LRCH1: variants seen among roughly 807,000 people sequenced by gnomAD.
LRCH1 encodes leucine-rich repeat and calponin homology domain-containing protein 1.
A neutral mutation model predicts 94.9 loss-of-function variants in LRCH1; 23 were observed. That is an observed-to-expected ratio of 0.24 (90% CI 0.17 to 0.34). The LOEUF (loss-of-function observed/expected upper bound fraction) is 0.34. LRCH1 is among the 10% of genes least tolerant of loss of function. The pLI is 1.00. For synonymous variants in LRCH1, 364 were observed against 354.9 expected (o/e 1.03, Z -0.29); for missense variants, 790 against 945.9 (o/e 0.84, Z 2.16).
chr13:46,639,989 C>T (rs1320423719), intron 1 of LRCH1, among the ~76,000 whole-genome samples: 1 of 152,248 alleles, frequency 6.6e-6, no homozygotes, highest in African/African-American at 2.4e-5. Flanking sequence ...GCTTTGCATG[C>T]ATCATCTTAC....
In LRCH1 at chr13:46,588,698, T is replaced by C. The variant is rs182641478; in HGVS notation, c.307+34995T>C. 2.8e-3 allele frequency among the ~76,000 whole-genome samples: 418 copies of C among 149,942 alleles called. 2 individuals carry two copies. Among genetic ancestry groups the C allele is most frequent in the African/African-American group, 9.5e-3 (386 of 40,704 alleles). On this transcript the variant is annotated intron_variant, in intron 1 of 19. Transcript: ENST00000389797. Reference sequence around the variant, plus strand: ...TCACTGCAACCCCCGCCTCTCGGGTTCAAGTGATTCTCCTGCCTTAGCCTC... The same window carrying C: ...TCACTGCAACCCCCGCCTCTCGGGTCCAAGTGATTCTCCTGCCTTAGCCTC...
intron 3 of LRCH1, among the ~76,000 whole-genome samples, chr13:46,674,915 T>C (rs995908338): frequency 6.6e-6 from 1 of 151,898 alleles, no homozygotes; most frequent in Non-Finnish European, 1.5e-5. Context: ...CCTCATGGAG[T>C]GGGGCTGTGA....
chr13:46,680,768 T>G (rs1408294061), intron 3 of LRCH1, among the ~76,000 whole-genome samples: 9 of 152,158 alleles, frequency 5.9e-5, no homozygotes, highest in Admixed American at 5.9e-4. Flanking sequence ...GACTTTATAG[T>G]TGTTGAGGAG....
chr13:46,619,401 C>T (rs1035196678), intron 1 of LRCH1, among the ~76,000 whole-genome samples: 3 of 152,270 alleles, frequency 2.0e-5, no homozygotes, highest in South Asian at 4.1e-4. Flanking sequence ...TGACCCACCA[C>T]GCCTGGCCTA....
At chr13:46,703,154 G>C (rs767837132) in intron 11 of LRCH1, among the ~76,000 whole-genome samples, 1 of 152,188 alleles carries the variant, frequency 6.6e-6, no homozygotes, top group Non-Finnish European at 1.5e-5. Flanking sequence ...GTGTGTTTAC[G>C]TGTATCCATG....
chr13:46,708,602 A>C (rs112843293), intron 13 of LRCH1, among the ~76,000 whole-genome samples: 2 of 152,174 alleles, frequency 1.3e-5, no homozygotes, highest in Non-Finnish European at 2.9e-5. Flanking sequence ...ATAGCAATAC[A>C]TGCGCTGATT....
rs1593391695 is a variant in LRCH1, at chr13:46,744,232, T to C, written c.*2384T>C. ...GCTGACCTCCTTAGAGTCTGAGAAG[T>C]AGTCAGGGATGTCACTGAGTGGTTT... On this transcript the variant is annotated 3_prime_UTR_variant, in exon 20 of 20. Transcript: ENST00000389797. 4 of 985,314 alleles carry C rather than the reference T, an allele frequency of 4.1e-6. No individual in the cohort carries two copies. The East Asian group carries it at 3.4e-4, about 84-fold the overall frequency. 61.0% of individuals were successfully genotyped at this position (985,314 alleles called of 1,614,324 possible). A position where few individuals can be genotyped will look rare whatever the true frequency, so the allele number is the denominator to read the frequency against.
chr13:46,555,618 A>C (rs1433801980), intron 1 of LRCH1, among the ~76,000 whole-genome samples: 1 of 152,186 alleles, frequency 6.6e-6, no homozygotes, highest in East Asian at 1.9e-4. Context: ...CACATGTTTT[A>C]TGCTCAGGAA....
In LRCH1 at chr13:46,719,029, T is replaced by G. The variant is rs554374035; in HGVS notation, c.1759+3365T>G. Among the ~76,000 whole-genome samples the G allele has an allele frequency of 3.8e-3, 585 of 152,394 alleles. 4 individuals are homozygous for G. The highest frequency in any genetic ancestry group is 0.014 in the African/African-American group (566 of 41,590). ...CACAACAAGTACATAAATGGTTTCT[T>G]GTACACATCCTTAAATATCTGCTGA... On this transcript the variant is annotated intron_variant, in intron 16 of 19. Transcript: ENST00000389797.
intron 19 of LRCH1, among the ~76,000 whole-genome samples, chr13:46,738,720 T>C (rs533738760): frequency 6.6e-6 from 1 of 152,338 alleles, no homozygotes; most frequent in Non-Finnish European, 1.5e-5. Flanking sequence ...ATTTTCCATT[T>C]ATATTGGTTA....
At chr13:46,670,726 A>G (rs1468027202) in intron 3 of LRCH1, among the ~76,000 whole-genome samples, 1 of 148,514 alleles carries the variant, frequency 6.7e-6, no homozygotes, top group East Asian at 2.1e-4. Context: ...TGATTAATTA[A>G]TTCAGTCTTC....
At chr13:46,674,527 A>T (rs2051645328) in intron 3 of LRCH1, among the ~76,000 whole-genome samples, 1 of 152,178 alleles carries the variant, frequency 6.6e-6, no homozygotes, top group African/African-American at 2.4e-5. Context: ...AATGATCTGA[A>T]ACTTTCTGAC....
intron 1 of LRCH1, among the ~76,000 whole-genome samples, chr13:46,625,342 A>G (rs986966996): frequency 6.6e-6 from 1 of 151,976 alleles, no homozygotes; most frequent in Non-Finnish European, 1.5e-5. Flanking sequence ...GTGTCCCCCC[A>G]CCCCAACTCA....
intron 1 of LRCH1, among the ~76,000 whole-genome samples, chr13:46,582,489 GTT>G (rs11385400): frequency 7.5e-6 from 1 of 132,488 alleles, no homozygotes; most frequent in African/African-American, 2.8e-5. Context: ...TGAACATATT[GTT>G]TTTTTTTTTT....
At chr13:46,628,872 A>C (rs911443212) in intron 1 of LRCH1, among the ~76,000 whole-genome samples, 3 of 152,192 alleles carry the variant, frequency 2.0e-5, no homozygotes, top group Admixed American at 1.3e-4. Flanking sequence ...ATCTGCTATG[A>C]CCAGTCAAAT....
chr13:46,584,693 G>T (rs1461994308), intron 1 of LRCH1, among the ~76,000 whole-genome samples: 2 of 152,110 alleles, frequency 1.3e-5, no homozygotes, highest in African/African-American at 2.4e-5. Flanking sequence ...GTCCCTTAAG[G>T]TTTTGTCCCT....
Position 46,565,812 on chromosome 13 carries a change from A to AAATAATAATAATAAT in LRCH1, c.307+12134_307+12148dup, listed in dbSNP as rs3068690. 1.7e-3 allele frequency among the ~76,000 whole-genome samples: 240 copies of AAATAATAATAATAAT among 140,136 alleles called. 1 individual carries two copies. Among genetic ancestry groups the AAATAATAATAATAAT allele is most frequent in the East Asian group, 2.5e-3 (12 of 4,826 alleles). The allele number at this position is 140,136 out of a possible 152,430, so 91.9% of individuals were successfully genotyped here. On this transcript the variant is annotated intron_variant, in intron 1 of 19. Coordinates refer to ENST00000389797, the MANE Select transcript of LRCH1 (RefSeq NM_001164211.2). ...GTGACAGAATGAGACTCTGTCTCCAAAATAATAATAATAATAATAATAATA... is the reference window on the plus strand; with the variant it reads ...GTGACAGAATGAGACTCTGTCTCCAAAATAATAATAATAATAATAATAATAATAATAATAATAATA...
chr13:46,668,069 T>G (rs2051545232), intron 2 of LRCH1, among the ~76,000 whole-genome samples: 1 of 152,222 alleles, frequency 6.6e-6, no homozygotes, highest in Admixed American at 6.5e-5. Flanking sequence ...TCTGTGGTTG[T>G]TGGCTTCAAC....
At chr13:46,557,329 G>A (rs1327245207) in intron 1 of LRCH1, among the ~76,000 whole-genome samples, 1 of 151,698 alleles carries the variant, frequency 6.6e-6, no homozygotes, top group African/African-American at 2.4e-5. Context: ...CTTAGACTTG[G>A]CATGCAGGAC....
Sources: gnomAD v4.1 joint callset for allele counts (sites outside exome capture counted in the v4.1 genomes callset) on GRCh38, gnomAD v4.1.1 for gene constraint, MANE v1.5 for transcripts, NCBI Gene and HGNC (gene_info 2026-07-23, HGNC 2026-07-21) for gene names.